ZDBF2: variants seen among roughly 807,000 people sequenced by gnomAD.
ZDBF2 encodes the protein zinc finger DBF-type containing 2.
In ZDBF2, 6 loss-of-function variants were observed where a neutral mutation model predicts 9.4. The observed-to-expected ratio is 0.64, with a 90% CI of 0.35 to 1.27. ZDBF2 has a LOEUF of 1.27. Among genes scored for constraint, ZDBF2 ranks in the 50% most tolerant of loss-of-function variants. ZDBF2 has a pLI of 0.03. For synonymous variants in ZDBF2, 905 were observed against 946.3 expected (o/e 0.96, Z 0.80); for missense variants, 2,697 against 2,766.8 (o/e 0.97, Z 0.57).
At chr2:206,286,336 T>C (rs1303211001) in intron 3 of ZDBF2, among the ~76,000 whole-genome samples, 1 of 152,248 alleles carries the variant, frequency 6.6e-6, no homozygotes, top group Non-Finnish European at 1.5e-5. Flanking sequence ...ATTTGCTTTA[T>C]TTATCTAGGT....
chr2:206,298,127 ATC>A (rs1306268205), intron 4 of ZDBF2, among the ~76,000 whole-genome samples: 6 of 152,212 alleles, frequency 3.9e-5, no homozygotes, highest in Non-Finnish European at 8.8e-5. Context: ...GGGTTTTTAA[ATC>A]TGTCTGTATT....
rs1692800151 is a variant in ZDBF2 at position 206,306,400 on chromosome 2, A to G, written c.1872A>G (p.Ala624=). ...AGCGTAAACCCAGTAGTGCTAAAGC[A>G]CATCTTGATTGTGATGTCTCACTTG... ...HKKRKPSSAK[A]HLDCDVSLGT... is the part of the protein sequence containing the mutation. Residue 624 remains alanine (A), a synonymous_variant, in exon 5 of 5, where the codon GCA becomes GCG. Transcript: ENST00000374423. The G allele has an allele frequency of 6.2e-7, 1 of 1,613,730 alleles. No individual in the cohort carries two copies. Among genetic ancestry groups the G allele is most frequent in the Non-Finnish European group, 8.5e-7 (1 of 1,179,826 alleles).
chr2:206,293,754 AT>A (rs1319880025), intron 3 of ZDBF2, among the ~76,000 whole-genome samples: 2 of 152,224 alleles, frequency 1.3e-5, no homozygotes, highest in Non-Finnish European at 2.9e-5. Context: ...GAGACTGACA[AT>A]AGCAAGTGTT....
Position 206,308,220 on chromosome 2 carries a change from C to A in ZDBF2, c.3692C>A (p.Thr1231Lys). The change falls in exon 5 of 5, where the codon ACG becomes AAG. Residue 1231 changes from threonine to lysine, a missense_variant. By Grantham distance (78) the Thr-to-Lys change is moderately conservative. Coordinates refer to ENST00000374423, the MANE Select transcript of ZDBF2 (RefSeq NM_020923.3). ...ISLWKDEEVD[T>K]EDRRNEAKGF... ...CTTTGGAAGGATGAAGAAGTTGACA[C>A]GGAAGATAGGAGAAATGAAGCTAAG... The A allele has an allele frequency of 6.2e-7, 1 of 1,613,752 alleles. No individual in the cohort carries two copies. The highest frequency in any genetic ancestry group is 2.2e-5 in the East Asian group (1 of 44,874).
chr2:206,281,564 G>C (rs1229638233), intron 2 of ZDBF2, among the ~76,000 whole-genome samples: 1 of 152,092 alleles, frequency 6.6e-6, no homozygotes, highest in Non-Finnish European at 1.5e-5. Context: ...TAAGTTATTA[G>C]AAAAACTAAA....
At chr2:206,281,979 A>C (rs1691344506) in intron 3 of ZDBF2, 70 bp downstream of exon 3, 1 of 1,336,590 alleles carries the variant, frequency 7.5e-7, no homozygotes, top group Non-Finnish European at 1.0e-6. Flanking sequence ...CATTTTATTA[A>C]ATTAATTTAT....
rs188123543 is a variant in ZDBF2 at position 206,305,278 on chromosome 2, G to T, written c.750G>T (p.Ser250=). ...PSSHVETTSF[S]YQKHKESNRK... is the part of the protein sequence containing the mutation. ...CCCATGTAGAAACTACTTCATTTTCGTATCAGAAACATAAAGAATCAAATA... is the reference window on the plus strand; with the variant it reads ...CCCATGTAGAAACTACTTCATTTTCTTATCAGAAACATAAAGAATCAAATA... The change falls in exon 5 of 5, where the codon TCG becomes TCT. Residue 250 remains serine, a synonymous_variant. Coordinates refer to ENST00000374423, the MANE Select transcript of ZDBF2 (RefSeq NM_020923.3). 9.9e-6 allele frequency: 16 copies of T among 1,613,022 alleles called. No individual in the cohort carries two copies. Among genetic ancestry groups the T allele is most frequent in the South Asian group, 8.8e-5 (8 of 90,916 alleles).
rs1235175409 is a variant in ZDBF2, at chr2:206,308,306, G to A, written c.3778G>A (p.Val1260Ile). 1 of 1,613,886 alleles carries A rather than the reference G, an allele frequency of 6.2e-7. No homozygotes were observed. Among genetic ancestry groups the A allele is most frequent in the African/African-American group, 1.3e-5 (1 of 75,074 alleles). Residue 1260 changes from valine to isoleucine, a missense_variant, in exon 5 of 5, where the codon GTA (valine) becomes ATA (isoleucine). Val to Ile is a conservative substitution (Grantham distance 29, BLOSUM62 3). Transcript: ENST00000374423. Reference sequence around the variant, plus strand: ...GCCAGTGGCTGGCCAACCTGAAGAAGTAGTTAAGGAGGTCAGTCTTTGGAA... The same window carrying A: ...GCCAGTGGCTGGCCAACCTGAAGAAATAGTTAAGGAGGTCAGTCTTTGGAA... ...LQPVAGQPEE[V>I]VKEVSLWKEH...
chr2:206,284,055 A>G (rs1454775744), intron 3 of ZDBF2, among the ~76,000 whole-genome samples: 3 of 152,176 alleles, frequency 2.0e-5, no homozygotes, highest in East Asian at 3.8e-4. Context: ...AGGGTTGCCT[A>G]ATCTCAGGAT....
chr2:206,290,504 G>A (rs1021656063), intron 3 of ZDBF2, among the ~76,000 whole-genome samples: 6 of 152,102 alleles, frequency 3.9e-5, no homozygotes, highest in African/African-American at 1.4e-4. Context: ...TTCCATTTAC[G>A]CAGAGCTTTA....
chr2:206,308,054 C>G lies in ZDBF2; in HGVS notation c.3526C>G (p.Gln1176Glu). 6.2e-7 allele frequency: 1 copy of G among 1,613,892 alleles called. No individual in the cohort carries two copies. The highest frequency in any genetic ancestry group is 8.5e-7 in the Non-Finnish European group (1 of 1,179,842). ...GGGTCAGTCAATAGTCAATCGACCT[C>G]AAATAACTATTTTGGAGCAGGAGCA... ...FLGQSIVNRP[Q>E]ITILEQEHIE... The change falls in exon 5 of 5, where the codon CAA becomes GAA. Residue 1176 changes from glutamine (Q) to glutamate (E), a missense_variant. Coordinates refer to ENST00000374423, the MANE Select transcript of ZDBF2 (RefSeq NM_020923.3).
At chr2:206,275,157 G>C (rs1690917902) in intron 1 of ZDBF2, among the ~76,000 whole-genome samples, 1 of 152,160 alleles carries the variant, frequency 6.6e-6, no homozygotes, top group African/African-American at 2.4e-5. Flanking sequence ...GGCCGGGATC[G>C]AGGTGGCGGG....
chr2:206,302,100 C>T (rs115901148), intron 4 of ZDBF2, among the ~76,000 whole-genome samples: 2 of 151,998 alleles, frequency 1.3e-5, no homozygotes, highest in African/African-American at 2.4e-5. Flanking sequence ...TCTCAAAGTC[C>T]TGGGCTCAAG....
intron 3 of ZDBF2, among the ~76,000 whole-genome samples, chr2:206,286,170 T>C (rs573749291): frequency 6.6e-6 from 1 of 152,346 alleles, no homozygotes; most frequent in African/African-American, 2.4e-5. Context: ...CAAATGTGTA[T>C]TCTGTAGCTG....
rs1349644188 is a variant in ZDBF2, at chr2:206,305,912, A to G, written c.1384A>G (p.Thr462Ala). The G allele has an allele frequency of 6.2e-7, 1 of 1,613,294 alleles. No individual in the cohort carries two copies. Among genetic ancestry groups the G allele is most frequent in the African/African-American group, 1.3e-5 (1 of 74,922 alleles). The change falls in exon 5 of 5, where the codon ACC becomes GCC. Residue 462 changes from threonine to alanine, a missense_variant. Transcript: ENST00000374423. ...SDCDDILHLV[T>A]NQSQMIVKEI... Reference sequence around the variant, plus strand: ...TTGTGATGACATTCTTCACTTGGTTACCAACCAATCCCAAATGATTGTTAA... The same window carrying G: ...TTGTGATGACATTCTTCACTTGGTTGCCAACCAATCCCAAATGATTGTTAA...
chr2:206,288,043 T>C (rs1215114822), intron 3 of ZDBF2, among the ~76,000 whole-genome samples: 1 of 152,214 alleles, frequency 6.6e-6, no homozygotes, highest in Non-Finnish European at 1.5e-5. Flanking sequence ...TGAATTCTTT[T>C]TCAGAAATTA....
In ZDBF2 at chr2:206,307,263, T is replaced by C. The variant is rs1278194031; in HGVS notation, c.2735T>C (p.Ile912Thr). ...TTAGAAAATAAGGAAAATGAACCTA[T>C]TGATTCTGAAGTAAGTTTGGATTAT... Reference protein sequence around the residue: ...VHLENKENEPIDSEVSLDYNI... With the variant: ...VHLENKENEPTDSEVSLDYNI... The change falls in exon 5 of 5, where the codon ATT becomes ACT. Residue 912 changes from isoleucine (I) to threonine (T), a missense_variant. This residue lies in a region of ZDBF2 where 1,783 missense variants were observed against 1,776.5 expected (regional missense o/e 1.00). Coordinates refer to ENST00000374423, the MANE Select transcript of ZDBF2 (RefSeq NM_020923.3). 6.2e-7 allele frequency: 1 copy of C among 1,607,420 alleles called. No individual in the cohort carries two copies. The highest frequency in any genetic ancestry group is 2.2e-5 in the East Asian group (1 of 44,850).
chr2:206,281,102 G>A (rs1691293817), intron 2 of ZDBF2, among the ~76,000 whole-genome samples: 1 of 152,142 alleles, frequency 6.6e-6, no homozygotes, highest in Non-Finnish European at 1.5e-5. Flanking sequence ...ATTCAGCCTG[G>A]TTTGGGAACC....
At chr2:206,278,113 G>A (rs1051529237) in intron 1 of ZDBF2, among the ~76,000 whole-genome samples, 4 of 152,098 alleles carry the variant, frequency 2.6e-5, no homozygotes, top group African/African-American at 9.7e-5. Context: ...GTAAAAATAT[G>A]TTTAGAACAA....
Sources: gnomAD v4.1 joint callset for allele counts (sites outside exome capture counted in the v4.1 genomes callset) on GRCh38, gnomAD v4.1.1 for gene constraint, gnomAD v4.1.1 regional missense constraint, MANE v1.5 for transcripts, NCBI Gene and HGNC (gene_info 2026-07-23, HGNC 2026-07-21) for gene names.